The following DNAH9 variants were observed in gnomAD, a reference collection of about 807,000 sequenced individuals.
The protein encoded by DNAH9 is dynein axonemal heavy chain 9.
In DNAH9, 345 loss-of-function variants were observed where a neutral mutation model predicts 471.6. The ratio of observed to expected loss-of-function variants is 0.73; its 90% CI spans 0.67 to 0.80. DNAH9 has a LOEUF of 0.80. DNAH9 is among the 30% of genes least tolerant of loss of function. The pLI, the probability that DNAH9 is intolerant of heterozygous loss-of-function variation, is 0.00. For missense variants in DNAH9, 5,407 were observed against 5,609.2 expected, an observed-to-expected ratio of 0.96 and a Z score of 1.15; for synonymous variants, 2,093 against 2,123.6, an observed-to-expected ratio of 0.99 and a Z score of 0.40.
At chr17:11,756,504 C>A (rs1266754177) in intron 33 of DNAH9, 64 bp from the exon 34 acceptor site, 2 of 911,068 alleles carry the variant, frequency 2.2e-6, no homozygotes, top group African/African-American at 1.6e-5. Flanking sequence ...TCAGCCAAAT[C>A]CCCACAGGCT....
At chr17:11,622,492 G>C (rs561587294) in intron 6 of DNAH9, among the ~76,000 whole-genome samples, 1 of 152,130 alleles carries the variant, frequency 6.6e-6, no homozygotes, top group Admixed American at 6.5e-5. Context: ...GGACACTCCA[G>C]CCCCAGCCCA....
intron 48 of DNAH9, 67 bp downstream of exon 48, chr17:11,823,101 G>T: frequency 1.0e-5 from 13 of 1,299,160 alleles, no homozygotes; most frequent in South Asian, 1.4e-5. Context: ...CCTTTCCAGT[G>T]AACTGGAGGG....
Position 11,880,263 on chromosome 17 carries a change from A to G in DNAH9, c.10601+63A>G, listed in dbSNP as rs1044130001. 38 of 1,589,532 alleles carry G rather than the reference A, an allele frequency of 2.4e-5. No individual in the cohort carries two copies. In the Admixed American group the frequency reaches 6.1e-4, roughly 25 times the overall value. On this transcript the variant is annotated intron_variant, in intron 54 of 68. Coordinates refer to ENST00000262442, the MANE Select transcript of DNAH9 (RefSeq NM_001372.4). ...CTGGTTCATGGCCCTGGTTAGAATC[A>G]TGAAGAGGTCTGCTCTTCCTAGAAT...
intron 50 of DNAH9, among the ~76,000 whole-genome samples, chr17:11,865,782 A>G (rs4416052): frequency 0.92 from 140,408 of 151,962 alleles, 65,213 homozygotes; most frequent in Non-Finnish European, 0.95. Flanking sequence ...ATCTTCCATC[A>G]CTGATACCCT....
intron 48 of DNAH9, among the ~76,000 whole-genome samples, chr17:11,828,107 C>T (rs1382724603): frequency 6.6e-6 from 1 of 152,194 alleles, no homozygotes. Flanking sequence ...ACCCTTCTAA[C>T]TAGTTTATTT....
intron 28 of DNAH9, among the ~76,000 whole-genome samples, chr17:11,731,022 GATGATGATGGTGGTGTCA>G (rs2075255378): frequency 6.6e-6 from 1 of 151,976 alleles, no homozygotes; most frequent in Non-Finnish European, 1.5e-5. Context: ...TGATGGTGGT[GATGATGATGGTGGTGTCA>G]GTGATGATGG....
Position 11,810,335 on chromosome 17 carries a change from G to C in DNAH9, c.8673G>C (p.Arg2891Ser). 1 of 1,613,808 alleles carries C rather than the reference G, an allele frequency of 6.2e-7. No individual in the cohort carries two copies. Among genetic ancestry groups the C allele is most frequent in the South Asian group, 1.1e-5 (1 of 90,994 alleles). Residue 2891 changes from arginine (R) to serine (S), a missense_variant, in exon 45 of 69, where the codon AGG becomes AGC. Around this residue, in one of 3 missense-constraint regions of DNAH9, gnomAD observed 4,636 missense variants for 4,900.3 expected, o/e 0.95. Coordinates refer to ENST00000262442, the MANE Select transcript of DNAH9 (RefSeq NM_001372.4). Reference sequence around the variant, plus strand: ...CTGATGCCCAAGTGGCTGATGAGAGGTTCCTTGTGCTCATCAATGATCTTT... The same window carrying C: ...CTGATGCCCAAGTGGCTGATGAGAGCTTCCTTGTGCTCATCAATGATCTTT... ...LMTDAQVADERFLVLINDLLA... is the reference protein window; with the variant it reads ...LMTDAQVADESFLVLINDLLA...
rs2073939943 is a variant in DNAH9, at chr17:11,669,490, T to C, written c.3049T>C (p.Tyr1017His). The C allele has an allele frequency of 1.2e-6, 2 of 1,614,036 alleles. No individual in the cohort carries two copies. The highest frequency in any genetic ancestry group is 3.3e-5 in the Admixed American group (2 of 59,998). The change falls in exon 17 of 69, where the codon TAT becomes CAT. Residue 1017 changes from tyrosine to histidine, a missense_variant. Transcript: ENST00000262442. ...CACCTTCAGCCAGTATTCGTACCTC[T>C]ATGTGGAGGACCGGAAGGAGGTTCT... The part of the protein sequence containing the change: ...QSTFSQYSYL[Y>H]VEDRKEVLGQ...
chr17:11,850,731 T>A (rs896260339), intron 49 of DNAH9, among the ~76,000 whole-genome samples: 12 of 152,116 alleles, frequency 7.9e-5, no homozygotes, highest in Non-Finnish European at 1.0e-4. Flanking sequence ...CCATGAGAGT[T>A]GACTTGAGGG....
At chr17:11,763,384 A>C in intron 35 of DNAH9, 56 bp from the exon 36 acceptor site, 1 of 1,511,956 alleles carries the variant, frequency 6.6e-7, no homozygotes, top group South Asian at 1.2e-5. Flanking sequence ...GTCCAACAGC[A>C]CCACCAGAAT....
intron 30 of DNAH9, among the ~76,000 whole-genome samples, chr17:11,743,829 C>G (rs1466458287): frequency 7.2e-6 from 1 of 139,708 alleles, no homozygotes; most frequent in Non-Finnish European, 1.5e-5. Flanking sequence ...TTTTCCTTGG[C>G]TGCATTTTTT....
In DNAH9 at chr17:11,703,041, T is replaced by G. The variant is rs1244253383; in HGVS notation, c.5152-1162T>G. On this transcript the variant is annotated intron_variant, in intron 24 of 68. Transcript: ENST00000262442. ...CCGGGAGGCGGAGCTTGCAGTAAGCTGAGATCGTGCCACTGCACTCCAGCC... is the reference window on the plus strand; with the variant it reads ...CCGGGAGGCGGAGCTTGCAGTAAGCGGAGATCGTGCCACTGCACTCCAGCC... 6.1e-5 allele frequency among the ~76,000 whole-genome samples: 9 copies of G among 146,904 alleles called. No homozygotes were observed. In the Admixed American group the frequency reaches 6.3e-4, roughly 10 times the overall value.
At chr17:11,762,770 G>GTTTTTGTTTTTTTT (rs1967747976) in intron 35 of DNAH9, among the ~76,000 whole-genome samples, 3 of 90,792 alleles carry the variant, frequency 3.3e-5, no homozygotes, top group Admixed American at 1.4e-4. Flanking sequence ...TTTTTTTTTT[G>GTTTTTGTTTTTTTT]TTTTTTTTTT....
intron 19 of DNAH9, among the ~76,000 whole-genome samples, chr17:11,687,867 G>A (rs996483065): frequency 6.6e-6 from 1 of 151,966 alleles, no homozygotes. Flanking sequence ...CGAGCGGGAT[G>A]GCTCATGCCT....
At chr17:11,884,508 C>T (rs768819423) in intron 56 of DNAH9, 6 of 454,210 alleles carry the variant, frequency 1.3e-5, no homozygotes, top group South Asian at 9.4e-5. Context: ...GAACAATATA[C>T]CTTTGACGGA....
At chr17:11,825,079 C>A (rs1462823514) in intron 48 of DNAH9, among the ~76,000 whole-genome samples, 1 of 152,146 alleles carries the variant, frequency 6.6e-6, no homozygotes, top group African/African-American at 2.4e-5. Flanking sequence ...ATACCCCTGT[C>A]TTTCCCTTTG....
chr17:11,854,474 C>T (rs371064638), intron 50 of DNAH9, 46 bp downstream of exon 50: 7 of 1,555,550 alleles, frequency 4.5e-6, no homozygotes, highest in Non-Finnish European at 6.1e-6. Context: ...GCCTCCAATA[C>T]AAACAACGCT....
intron 27 of DNAH9, 80 bp downstream of exon 27, chr17:11,719,570 G>T: frequency 7.4e-7 from 1 of 1,353,856 alleles, no homozygotes; most frequent in African/African-American, 1.4e-5. Flanking sequence ...AGACGCATCC[G>T]TGCCACCCTG....
intron 56 of DNAH9, among the ~76,000 whole-genome samples, chr17:11,886,369 T>C (rs1308787893): frequency 6.6e-6 from 1 of 151,972 alleles, no homozygotes. Flanking sequence ...TTTCTGAAAA[T>C]AGAATATTCC....
Sources: allele counts gnomAD v4.1 joint callset (sites outside exome capture counted in the v4.1 genomes callset), GRCh38; gene constraint gnomAD v4.1.1; regional missense constraint gnomAD v4.1.1; transcripts MANE v1.5; gene names NCBI Gene and HGNC (gene_info 2026-07-23, HGNC 2026-07-21).